Variants in CFD observed in about 807,000 individuals in gnomAD.
CFD encodes complement factor D.
Under a neutral mutation model 21.1 loss-of-function variants are expected in CFD, and 24 were observed. The observed-to-expected ratio is 1.14, with a 90% CI of 0.82 to 1.60. The LOEUF is 1.60. Among genes scored for constraint, CFD ranks in the 40% most tolerant of loss-of-function variants. The pLI, the probability that CFD is intolerant of heterozygous loss-of-function variation, is 0.00. For missense variants in CFD, 535 were observed against 383.3 expected, an observed-to-expected ratio of 1.40 and a Z score of -3.31; for synonymous variants, 242 against 175.9, an observed-to-expected ratio of 1.38 and a Z score of -2.97.
Position 860,656 on chromosome 19 carries a change from C to A in CFD, c.95C>A (p.Ala32Asp), listed in dbSNP as rs2035773701. 1 of 1,501,028 alleles carries A rather than the reference C, an allele frequency of 6.7e-7. No individual in the cohort carries two copies. The highest frequency in any genetic ancestry group is 8.8e-7 in the Non-Finnish European group (1 of 1,133,760). 93.0% of individuals were successfully genotyped at this position (1,501,028 alleles called of 1,614,324 possible). Reference protein sequence around the residue: ...PRGRILGGREAEAHARPYMAS... With the variant: ...PRGRILGGREDEAHARPYMAS... ...GGTCGGATCCTGGGCGGCAGAGAGG[C>A]CGAGGCGCACGCGCGGCCCTACATG... The change falls in exon 2 of 5, where the codon GCC (alanine) becomes GAC (aspartate). Residue 32 changes from alanine (A) to aspartate (D), a missense_variant. Physicochemically the swap from Ala to Asp is moderately radical, Grantham distance 126. Transcript: ENST00000327726.
intron 4 of CFD, among the ~76,000 whole-genome samples, chr19:862,800 G>C: frequency 2.0e-5 from 1 of 49,302 alleles, no homozygotes; most frequent in Non-Finnish European, 6.6e-5. Flanking sequence ...TGAGGTGTGG[G>C]ACCCCCATAC....
At chr19:861,591 C>A (rs1295116660) in intron 3 of CFD, 108 bp from the exon 4 acceptor site, 2 of 1,369,910 alleles carry the variant, frequency 1.5e-6, no homozygotes, top group African/African-American at 1.4e-5. Flanking sequence ...GAGACCCACG[C>A]CCCTGCCCTG....
Position 861,976 on chromosome 19 carries a change from A to G in CFD, c.615+20A>G, listed in dbSNP as rs1324401358. The G allele has an allele frequency of 6.5e-7, 1 of 1,534,182 alleles. No homozygotes were observed. Among genetic ancestry groups the G allele is most frequent in the African/African-American group, 1.4e-5 (1 of 72,602 alleles). ...TGCAAGGTGAGCCTTCAGGCCTGGG[A>G]GGAGACGCGGGGCCTGCAGGCCCCG... On this transcript the variant is annotated intron_variant, in intron 4 of 4. Coordinates refer to ENST00000327726, the MANE Select transcript of CFD (RefSeq NM_001928.4).
intron 3 of CFD, among the ~76,000 whole-genome samples, chr19:861,285 T>C (rs1356688687): frequency 3.0e-5 from 1 of 33,158 alleles, no homozygotes; most frequent in African/African-American, 1.1e-4. Context: ...ACCCCGGGTC[T>C]AGCCTCGACC....
chr19:862,901 G>A (rs942700313), intron 4 of CFD, among the ~76,000 whole-genome samples, 191 bp from the exon 5 acceptor site: 2 of 152,106 alleles, frequency 1.3e-5, no homozygotes, highest in Admixed American at 1.3e-4. Context: ...GGCGGGCCTA[G>A]AGGGGCGTGG....
At position 863,330 on chromosome 19, in the gene CFD, C is replaced by G; in HGVS notation, c.*92C>G. ...CTGCATCTGGTTGGTCTTTATTGAG[C>G]ACCTACTATATGCAGAAGGGGAGGC... On this transcript the variant is annotated 3_prime_UTR_variant, in exon 5 of 5. Coordinates refer to ENST00000327726, the MANE Select transcript of CFD (RefSeq NM_001928.4). 6.9e-7 allele frequency: 1 copy of G among 1,453,886 alleles called. No individual in the cohort carries two copies. The highest frequency in any genetic ancestry group is 1.2e-5 in the South Asian group (1 of 82,358). 90.1% of individuals were successfully genotyped at this position (1,453,886 alleles called of 1,614,324 possible). A position where few individuals can be genotyped will look rare whatever the true frequency, so the allele number is the denominator to read the frequency against.
intron 1 of CFD, 56 bp from the exon 2 acceptor site, chr19:860,549 TCCCGTCAGGCAG>T: frequency 7.5e-7 from 1 of 1,334,988 alleles, no homozygotes; most frequent in South Asian, 1.8e-5. Flanking sequence ...AGAGCTGGGA[TCCCGTCAGGCAG>T]CCTCGCCCGG....
chr19:859,787 G>A, intron 1 of CFD, 43 bp downstream of exon 1: 1 of 1,472,396 alleles, frequency 6.8e-7, no homozygotes, highest in Non-Finnish European at 9.3e-7. Context: ...GGCTGTGTAG[G>A]GGCGTGGTGC....
Position 859,745 on chromosome 19 carries a change from G to T in CFD, c.55+1G>T, listed in dbSNP as rs779781730. On this transcript the variant is annotated splice_donor_variant, in intron 1 of 4. Coordinates refer to ENST00000327726, the MANE Select transcript of CFD (RefSeq NM_001928.4). LOFTEE classifies it high-confidence loss of function. Reference sequence around the variant, plus strand: ...GTCCTCCTAGGAGCGGCCGCCTGCGGTGAGGAGGCCTGGGCCTGGGGTGAG... The same window carrying T: ...GTCCTCCTAGGAGCGGCCGCCTGCGTTGAGGAGGCCTGGGCCTGGGGTGAG... 8.3e-6 allele frequency: 13 copies of T among 1,568,738 alleles called. No homozygotes were observed. The highest frequency in any genetic ancestry group is 1.1e-5 in the Non-Finnish European group (13 of 1,156,620).
chr19:860,690 G>C lies in CFD; in HGVS notation c.129G>C (p.Val43=). 6.5e-7 allele frequency: 1 copy of C among 1,548,212 alleles called. No individual in the cohort carries two copies. The highest frequency in any genetic ancestry group is 2.4e-5 in the East Asian group (1 of 41,162). The part of the protein sequence containing the change: ...EAHARPYMAS[V]QLNGAHLCGG... ...ACGCGCGGCCCTACATGGCGTCGGT[G>C]CAGCTGAACGGCGCGCACCTGTGCG... The change falls in exon 2 of 5, where the codon GTG becomes GTC. Residue 43 remains valine (V), a synonymous_variant. Transcript: ENST00000327726.
At chr19:861,145 C>G in intron 3 of CFD, 140 bp downstream of exon 3, 2 of 675,748 alleles carry the variant, frequency 3.0e-6, no homozygotes, top group South Asian at 3.3e-5. Flanking sequence ...CCCCCACACC[C>G]TCACCCCGGG....
chr19:860,743 T>G lies in CFD; in HGVS notation c.182T>G (p.Val61Gly). Residue 61 changes from valine (V) to glycine (G), a missense_variant, in exon 2 of 5, where the codon GTG becomes GGG. By Grantham distance (109) the Val-to-Gly change is moderately radical. Transcript: ENST00000327726. ...CGGVLVAEQW[V>G]LSAAHCLEDA... ...GGCGTCCTGGTGGCGGAGCAGTGGGTGCTGAGCGCGGCGCACTGCCTGGAG... is the reference window on the plus strand; with the variant it reads ...GGCGTCCTGGTGGCGGAGCAGTGGGGGCTGAGCGCGGCGCACTGCCTGGAG... The G allele has an allele frequency of 6.4e-7, 1 of 1,567,750 alleles. No individual in the cohort carries two copies. The highest frequency in any genetic ancestry group is 8.6e-7 in the Non-Finnish European group (1 of 1,166,248).
chr19:860,518 C>T lies in CFD; in HGVS notation c.56-99C>T, dbSNP rs376738450. ...ACCGCGCCCAGAGATGGGATTCTTG[C>T]GGGGAGCGGCCTGGGGGGTGAGAGC... On this transcript the variant is annotated intron_variant, in intron 1 of 4. Coordinates refer to ENST00000327726, the MANE Select transcript of CFD (RefSeq NM_001928.4). The T allele has an allele frequency of 1.6e-5, 18 of 1,149,056 alleles. No homozygotes were observed. The South Asian group carries it at 3.1e-4, about 20-fold the overall frequency. 71.2% of individuals were successfully genotyped at this position (1,149,056 alleles called of 1,614,324 possible).
chr19:863,245 G>C lies in CFD; in HGVS notation c.*7G>C. 6.5e-7 allele frequency: 1 copy of C among 1,547,122 alleles called. No individual in the cohort carries two copies. The highest frequency in any genetic ancestry group is 8.7e-7 in the Non-Finnish European group (1 of 1,152,972). The stretch of plus-strand genomic sequence containing the variant: ...CGACAGCGTCCTGGCCTAGGGTGCC[G>C]GGGCCTGAAGGTCAGGGTCACCCAA... On this transcript the variant is annotated 3_prime_UTR_variant, in exon 5 of 5. Transcript: ENST00000327726.
At chr19:862,678 A>G (rs1218636361) in intron 4 of CFD, among the ~76,000 whole-genome samples, 6 of 150,376 alleles carry the variant, frequency 4.0e-5, no homozygotes, top group Admixed American at 1.3e-4. Flanking sequence ...GGTGGGGCTT[A>G]AGGGAGGGGC....
chr19:862,493 G>A (rs1467583567), intron 4 of CFD, among the ~76,000 whole-genome samples: 4 of 134,398 alleles, frequency 3.0e-5, no homozygotes, highest in Non-Finnish European at 4.9e-5. Context: ...CGGGCACGTG[G>A]AGGAAGGGGC....
At chr19:861,663 C>T in intron 3 of CFD, 36 bp from the exon 4 acceptor site, 1 of 1,573,802 alleles carries the variant, frequency 6.4e-7, no homozygotes, top group Non-Finnish European at 8.6e-7. Context: ...CCTCGCACCC[C>T]CGCACCCCAA....
intron 4 of CFD, 40 bp downstream of exon 4, chr19:861,996 GCCCCGGGAAGGGCCTGCAGA>G (rs2035804201): frequency 6.6e-7 from 1 of 1,513,964 alleles, no homozygotes; most frequent in East Asian, 2.5e-5. Flanking sequence ...GGGCCTGCAG[GCCCCGGGAAGGGCCTGCAGA>G]GGGAGCGCGA....
In CFD at chr19:861,786, G is replaced by A. The variant is rs1190025486; in HGVS notation, c.445G>A (p.Asp149Asn). Residue 149 changes from aspartate to asparagine, a missense_variant, in exon 4 of 5, where the codon GAC (aspartate) becomes AAC (asparagine). Physicochemically the swap from Asp to Asn is conservative, Grantham distance 23. Coordinates refer to ENST00000327726, the MANE Select transcript of CFD (RefSeq NM_001928.4). ...CGACGTGGCACCGGGAACTCTCTGC[G>A]ACGTGGCCGGCTGGGGCATAGTCAA... ...DRDVAPGTLC[D>N]VAGWGIVNHA... 2 of 1,605,082 alleles carry A rather than the reference G, an allele frequency of 1.2e-6. No homozygotes were observed. The highest frequency in any genetic ancestry group is 2.7e-5 in the African/African-American group (2 of 74,882).
Sources: allele counts gnomAD v4.1 joint callset (sites outside exome capture counted in the v4.1 genomes callset), GRCh38; gene constraint gnomAD v4.1.1; transcripts MANE v1.5; gene names NCBI Gene and HGNC (gene_info 2026-07-23, HGNC 2026-07-21).